Variants in ERN1 observed in about 807,000 individuals in gnomAD.
The protein encoded by ERN1 is endoplasmic reticulum to nucleus signaling 1.
A neutral mutation model predicts 113.1 loss-of-function variants in ERN1; 39 were observed. The observed-to-expected ratio is 0.34, with a 90% CI of 0.27 to 0.45. The LOEUF is 0.45. Among genes scored for constraint, ERN1 ranks in the 20% least tolerant of loss-of-function variants. ERN1 has a pLI of 1.00. For missense variants in ERN1, 976 were observed against 1,274.8 expected, an observed-to-expected ratio of 0.77 and a Z score of 3.57; for synonymous variants, 507 against 515.9, an observed-to-expected ratio of 0.98 and a Z score of 0.23.
rs1914280226 is a variant in ERN1 at position 64,098,178 on chromosome 17, C to T, written c.118G>A (p.Gly40Arg). The T allele has an allele frequency of 6.2e-7, 1 of 1,613,864 alleles. No homozygotes were observed. The highest frequency in any genetic ancestry group is 1.3e-5 in the African/African-American group (1 of 74,928). ...ETLLFVSTLDGSLHAVSKRTG... is the reference protein window; with the variant it reads ...ETLLFVSTLDRSLHAVSKRTG... ...CTCTTGCTGACAGCATGCAAACTTC[C>T]ATCCAGCGTTGACACAAACAACAAG... The change falls in exon 2 of 22, where the codon GGA (glycine) becomes AGA (arginine). Residue 40 changes from glycine to arginine, a missense_variant. Physicochemically the swap from Gly to Arg is moderately radical, Grantham distance 125 (BLOSUM62 -2). Coordinates refer to ENST00000433197, the MANE Select transcript of ERN1 (RefSeq NM_001433.5).
intron 1 of ERN1, among the ~76,000 whole-genome samples, chr17:64,119,375 G>GGT (rs1914891268): frequency 9.2e-6 from 1 of 109,144 alleles, no homozygotes; most frequent in Admixed American, 8.4e-5. Flanking sequence ...TTTTTTTCTA[G>GGT]GTTTTTTTTT....
At chr17:64,052,635 G>A in intron 17 of ERN1, 145 bp downstream of exon 17, 2 of 641,692 alleles carry the variant, frequency 3.1e-6, no homozygotes, top group Non-Finnish European at 5.1e-6. Flanking sequence ...GACACAGAAT[G>A]TTCACACAGA....
In ERN1 at chr17:64,068,236, G is replaced by T; in HGVS notation, c.534C>A (p.Thr178=). ...GCAGTGAGGCCGCATAGTCAAAGTA[G>T]GTGGCATTCCACCGGAGCTCTCGGG... The part of the protein sequence containing the change: ...TKTRELRWNA[T]YFDYAASLPE... Residue 178 remains threonine, a synonymous_variant, in exon 7 of 22, where the codon ACC becomes ACA. Transcript: ENST00000433197. The T allele has an allele frequency of 6.2e-7, 1 of 1,612,838 alleles. No homozygotes were observed. Among genetic ancestry groups the T allele is most frequent in the Non-Finnish European group, 8.5e-7 (1 of 1,179,496 alleles).
At chr17:64,065,356 A>G in intron 8 of ERN1, 69 bp from the exon 9 acceptor site, 1 of 1,141,308 alleles carries the variant, frequency 8.8e-7, no homozygotes, top group Non-Finnish European at 1.3e-6. Flanking sequence ...GGGAGTAATC[A>G]TCACCCCAAA....
intron 2 of ERN1, among the ~76,000 whole-genome samples, chr17:64,089,545 A>G (rs946696768): frequency 6.6e-6 from 1 of 152,272 alleles, no homozygotes; most frequent in African/African-American, 2.4e-5. Context: ...CCAAAATCAG[A>G]AACACTTCAG....
At chr17:64,081,738 CG>C (rs1200646997) in intron 2 of ERN1, among the ~76,000 whole-genome samples, 1 of 152,200 alleles carries the variant, frequency 6.6e-6, no homozygotes, top group Non-Finnish European at 1.5e-5. Flanking sequence ...ATTGAGAACA[CG>C]TTTTTTTCTC....
chr17:64,109,027 G>A (rs997519668), intron 1 of ERN1, among the ~76,000 whole-genome samples: 1 of 152,194 alleles, frequency 6.6e-6, no homozygotes, highest in East Asian at 1.9e-4. Context: ...GGGAGGCTGA[G>A]GCAGAAGAAT....
rs1186986826 is a variant in ERN1 at position 64,055,809 on chromosome 17, G to T, written c.1538C>A (p.Thr513Lys). The part of the protein sequence containing the change: ...DTAQDGELLD[T>K]SGPYSESSGT... ...CGAGCTCTCTGAGTACGGGCCAGACGTGTCCAGGAGCTCGCCGTCCTGAGC... is the reference window on the plus strand; with the variant it reads ...CGAGCTCTCTGAGTACGGGCCAGACTTGTCCAGGAGCTCGCCGTCCTGAGC... The change falls in exon 13 of 22, where the codon ACG becomes AAG. Residue 513 changes from threonine to lysine, a missense_variant. This residue lies in a region of ERN1 where 112 missense variants were observed against 106.2 expected (regional missense o/e 1.05). Transcript: ENST00000433197. 6.3e-7 allele frequency: 1 copy of T among 1,578,770 alleles called. No homozygotes were observed. Among genetic ancestry groups the T allele is most frequent in the South Asian group, 1.2e-5 (1 of 86,882 alleles).
At chr17:64,053,011 T>C (rs552549483) in intron 16 of ERN1, 32 bp from the exon 17 acceptor site, 1 of 1,489,096 alleles carries the variant, frequency 6.7e-7, no homozygotes, top group South Asian at 1.2e-5. Flanking sequence ...GTCCAATGCT[T>C]ACCAGGAGCA....
Position 64,075,223 on chromosome 17 carries a change from A to T in ERN1, c.307T>A (p.Leu103Met). 6.8e-7 allele frequency: 1 copy of T among 1,476,936 alleles called. No homozygotes were observed. Among genetic ancestry groups the T allele is most frequent in the Non-Finnish European group, 9.0e-7 (1 of 1,112,522 alleles). The allele number at this position is 1,476,936 out of a possible 1,614,324, so 91.5% of individuals were successfully genotyped here. ...LTKLPFTIPE[L>M]VQASPCRSSD... ...CTTCGGCATGGGGATGCCTGCACCA[A>T]TTCTGGGATGGTAAAAGGAAGTTTC... is the stretch of plus-strand genomic sequence containing the variant. Residue 103 changes from leucine (L) to methionine (M), a missense_variant, in exon 5 of 22, where the codon TTG becomes ATG. Coordinates refer to ENST00000433197, the MANE Select transcript of ERN1 (RefSeq NM_001433.5).
In ERN1 at chr17:64,075,253, AAAAAAAAAAAAAAG is replaced by A; in HGVS notation, c.283-20_283-7del. The A allele has an allele frequency of 1.4e-6, 2 of 1,431,614 alleles. No homozygotes were observed. Among genetic ancestry groups the A allele is most frequent in the African/African-American group, 1.6e-5 (1 of 62,826 alleles). The allele number at this position is 1,431,614 out of a possible 1,614,324, so 88.7% of individuals were successfully genotyped here. Reference sequence around the variant, plus strand: ...GGGATGGTAAAAGGAAGTTTCTTTAAAAAAAAAAAAAAAGAAAAAAAAAAGTTAACCAAGTCTTG... The same window carrying A: ...GGGATGGTAAAAGGAAGTTTCTTTAAAAAAAAAAAAGTTAACCAAGTCTTG... On this transcript the variant is annotated splice_polypyrimidine_tract_variant and splice_region_variant and intron_variant, in intron 4 of 21. Transcript: ENST00000433197.
chr17:64,101,270 G>C (rs1030135002), intron 1 of ERN1, among the ~76,000 whole-genome samples: 1 of 152,004 alleles, frequency 6.6e-6, no homozygotes, highest in South Asian at 2.1e-4. Flanking sequence ...TTAGCCGGGC[G>C]TGGTGGTGGG....
intron 1 of ERN1, among the ~76,000 whole-genome samples, chr17:64,111,425 G>A (rs1014336186): frequency 2.6e-5 from 4 of 151,262 alleles, no homozygotes; most frequent in South Asian, 4.2e-4. Flanking sequence ...GCGCAATCTC[G>A]GCTCACGGCA....
intron 10 of ERN1, among the ~76,000 whole-genome samples, chr17:64,061,977 C>G (rs935318513): frequency 6.6e-6 from 1 of 152,260 alleles, no homozygotes; most frequent in Admixed American, 6.5e-5. Context: ...TTCTTGTAAA[C>G]AGGCTTCTCC....
intron 4 of ERN1, among the ~76,000 whole-genome samples, chr17:64,078,122 T>A (rs1913655561): frequency 6.6e-6 from 1 of 152,228 alleles, no homozygotes; most frequent in Non-Finnish European, 1.5e-5. Context: ...GTTTTCCAAA[T>A]CACTTGTGCC....
chr17:64,062,410 C>T (rs756671557), intron 10 of ERN1, among the ~76,000 whole-genome samples: 1 of 152,206 alleles, frequency 6.6e-6, no homozygotes, highest in African/African-American at 2.4e-5. Flanking sequence ...TTGTGGCCCT[C>T]GTCAACAGGA....
At chr17:64,129,405 C>T in intron 1 of ERN1, 1 of 160,990 alleles carries the variant, frequency 6.2e-6, no homozygotes. Context: ...TACCAAGAAA[C>T]CGGCAGGGCA....
At chr17:64,057,569 T>A (rs1035040998) in intron 12 of ERN1, among the ~76,000 whole-genome samples, 1 of 152,134 alleles carries the variant, frequency 6.6e-6, no homozygotes, top group Non-Finnish European at 1.5e-5. Flanking sequence ...AGGGTTTCAC[T>A]GTGTTAGCCA....
intron 8 of ERN1, among the ~76,000 whole-genome samples, chr17:64,065,533 G>A (rs532386629): frequency 6.6e-6 from 1 of 152,262 alleles, no homozygotes; most frequent in Non-Finnish European, 1.5e-5. Context: ...CAGCAAAATC[G>A]CAGGGCTGGA....
Sources: allele counts gnomAD v4.1 joint callset (sites outside exome capture counted in the v4.1 genomes callset), GRCh38; gene constraint gnomAD v4.1.1; regional missense constraint gnomAD v4.1.1; transcripts MANE v1.5; gene names NCBI Gene and HGNC (gene_info 2026-07-23, HGNC 2026-07-21).